WNT2B: variants seen among roughly 807,000 people sequenced by gnomAD.
WNT2B encodes Wnt family member 2B.
Under a neutral mutation model 40.5 loss-of-function variants are expected in WNT2B, and 19 were observed. The observed-to-expected ratio is 0.47, with a 90% CI of 0.33 to 0.69. WNT2B has a LOEUF of 0.69. WNT2B is among the 30% of genes least tolerant of loss of function. The pLI, the probability that WNT2B is intolerant of heterozygous loss-of-function variation, is 0.02. For synonymous variants in WNT2B, 220 were observed against 211.9 expected (o/e 1.04, Z -0.33); for missense variants, 467 against 556.4 (o/e 0.84, Z 1.62).
At chr1:112,498,291 T>C (rs904040682) in intron 1 of WNT2B, among the ~76,000 whole-genome samples, 3 of 152,116 alleles carry the variant, frequency 2.0e-5, no homozygotes, top group Admixed American at 2.0e-4. Flanking sequence ...TCTCACTCTG[T>C]TGCCCAGGCT....
Position 112,470,612 on chromosome 1 carries a change from A to T in WNT2B, c.-95+3021A>T, listed in dbSNP as rs138898130. On this transcript the variant is annotated intron_variant, in intron 1 of 4. Transcript: ENST00000256640. ...TAAATAAATAAATAAATAATAAATC[A>T]TGCTGCTATGGTGTACAAATGGGGG... is the stretch of plus-strand genomic sequence containing the variant. Among the ~76,000 whole-genome samples the T allele has an allele frequency of 2.8e-3, 425 of 152,124 alleles. 6 individuals carry two copies. The highest frequency in any genetic ancestry group is 0.022 in the South Asian group (106 of 4,824).
chr1:112,490,933 A>G, intron 1 of WNT2B: 1 of 1,425,930 alleles, frequency 7.0e-7, no homozygotes, highest in African/African-American at 1.4e-5. Context: ...AAATAAATCT[A>G]CAAATCACTC....
chr1:112,477,646 T>C (rs1332437516), intron 1 of WNT2B, among the ~76,000 whole-genome samples: 2 of 152,068 alleles, frequency 1.3e-5, no homozygotes, highest in East Asian at 3.8e-4. Flanking sequence ...AGAAAAGCAA[T>C]ACAAGAACAG....
intron 1 of WNT2B, among the ~76,000 whole-genome samples, chr1:112,496,825 C>G (rs573668190): frequency 6.6e-6 from 1 of 152,250 alleles, no homozygotes; most frequent in African/African-American, 2.4e-5. Flanking sequence ...GTCTCGAACT[C>G]ACGACCTCCG....
intron 1 of WNT2B, among the ~76,000 whole-genome samples, chr1:112,489,058 A>C (rs1357570730): frequency 6.6e-6 from 1 of 152,150 alleles, no homozygotes; most frequent in Non-Finnish European, 1.5e-5. Context: ...CTTAAAGGTC[A>C]GGTATGAAGA....
At chr1:112,507,913 G>A (rs1472782565), upstream of WNT2B, among the ~76,000 whole-genome samples, 1 of 152,158 alleles carries the variant, frequency 6.6e-6, no homozygotes, top group African/African-American at 2.4e-5. Flanking sequence ...GTGCCCGCAG[G>A]GCCCGTACCT....
intron 1 of WNT2B, among the ~76,000 whole-genome samples, chr1:112,490,775 C>G (rs1301441918): frequency 6.6e-6 from 1 of 152,088 alleles, no homozygotes; most frequent in African/African-American, 2.4e-5. Context: ...AGGCGTGAGC[C>G]CCCGCGCCCG....
chr1:112,526,303 T>G lies in WNT2B; in HGVS notation c.*5794T>G, dbSNP rs1653376382. ...TGACCACTATACAACATATTCCACATTTAAACAACTCTGGCTCCTAATTCT... is the reference window on the plus strand; with the variant it reads ...TGACCACTATACAACATATTCCACAGTTAAACAACTCTGGCTCCTAATTCT... On this transcript the variant is annotated 3_prime_UTR_variant, in exon 5 of 5. Transcript: ENST00000369684. The G allele has an allele frequency of 3.5e-6, 2 of 567,034 alleles. No homozygotes were observed. The highest frequency in any genetic ancestry group is 5.8e-6 in the Non-Finnish European group (2 of 342,926). 35.1% of individuals were successfully genotyped at this position (567,034 alleles called of 1,614,324 possible). A position where few individuals can be genotyped will look rare whatever the true frequency, so the allele number is the denominator to read the frequency against.
chr1:112,485,460 CA>C (rs55872721), intron 1 of WNT2B, among the ~76,000 whole-genome samples: 83,271 of 128,872 alleles, frequency 0.65, 24,988 homozygotes, highest in South Asian at 0.74. Context: ...GACTCTGTCT[CA>C]AAAAAAAAAA....
chr1:112,500,304 G>A (rs192026255), intron 1 of WNT2B, among the ~76,000 whole-genome samples: 17 of 152,152 alleles, frequency 1.1e-4, no homozygotes, highest in Admixed American at 7.9e-4. Flanking sequence ...TAAAGATAGA[G>A]TATTTGCAAA....
chr1:112,499,878 C>T (rs1457043012), intron 1 of WNT2B, among the ~76,000 whole-genome samples: 5 of 148,384 alleles, frequency 3.4e-5, no homozygotes, highest in Non-Finnish European at 7.5e-5. Flanking sequence ...GGAGAAATGA[C>T]AGGAGTAACT....
rs1652600856 is a variant in WNT2B, at chr1:112,517,247, G to A, written c.808G>A (p.Asp270Asn). ...AGGTGATTACCTGCGGCGACGCTAT[G>A]ATGGGGCTGTGCAGGTGATGGCCAC... Reference protein sequence around the residue: ...RTGDYLRRRYDGAVQVMATQD... With the variant: ...RTGDYLRRRYNGAVQVMATQD... Residue 270 changes from aspartate (D) to asparagine (N), a missense_variant, in exon 4 of 5, where the codon GAT becomes AAT. Coordinates refer to ENST00000369684, the MANE Select transcript of WNT2B (RefSeq NM_024494.3). The A allele has an allele frequency of 1.2e-6, 2 of 1,614,106 alleles. No individual in the cohort carries two copies. The highest frequency in any genetic ancestry group is 1.7e-6 in the Non-Finnish European group (2 of 1,180,050).
intron 1 of WNT2B, among the ~76,000 whole-genome samples, chr1:112,485,520 G>T (rs1162188776): frequency 6.7e-6 from 1 of 150,066 alleles, no homozygotes; most frequent in Non-Finnish European, 1.5e-5. Flanking sequence ...TAGAAATAAA[G>T]AACTATATCA....
At chr1:112,488,405 A>G (rs1036720644) in intron 1 of WNT2B, among the ~76,000 whole-genome samples, 4 of 148,068 alleles carry the variant, frequency 2.7e-5, no homozygotes, top group Non-Finnish European at 6.0e-5. Context: ...CATGACAGGC[A>G]GTCAAAACCT....
At chr1:112,472,461 G>A (rs772248835) in intron 1 of WNT2B, among the ~76,000 whole-genome samples, 3 of 151,560 alleles carry the variant, frequency 2.0e-5, no homozygotes, top group African/African-American at 4.9e-5. Context: ...CTCATAATTT[G>A]CAGCACATTC....
rs1653257262 is a variant in WNT2B, at chr1:112,525,506, T to A, written c.*4997T>A. The A allele has an allele frequency of 1.3e-5, 2 of 153,632 alleles. No homozygotes were observed. The highest frequency in any genetic ancestry group is 4.8e-5 in the African/African-American group (2 of 41,356). 9.5% of individuals were successfully genotyped at this position (153,632 alleles called of 1,614,324 possible). ...CACTTCCCACTCATGGCTTATATTA[T>A]CTCTGAGCATCTCGGTGGCTATTCC... On this transcript the variant is annotated 3_prime_UTR_variant, in exon 5 of 5. Transcript: ENST00000369684.
chr1:112,507,827 A>G (rs571995479), upstream of WNT2B, among the ~76,000 whole-genome samples: 7 of 152,358 alleles, frequency 4.6e-5, no homozygotes, highest in African/African-American at 1.7e-4. Flanking sequence ...CTGGAGCCAG[A>G]TCCCAGGTGA....
At chr1:112,494,225 G>T (rs952132205) in intron 1 of WNT2B, among the ~76,000 whole-genome samples, 1 of 151,252 alleles carries the variant, frequency 6.6e-6, no homozygotes, top group African/African-American at 2.5e-5. Context: ...CGGGAGAATC[G>T]TTTGAACCCG....
intron 1 of WNT2B, among the ~76,000 whole-genome samples, chr1:112,488,321 AACAC>A (rs572294006): frequency 7.3e-4 from 109 of 149,460 alleles, no homozygotes; most frequent in Non-Finnish European, 1.3e-3. Flanking sequence ...ACAACAACAA[AACAC>A]ACACACACAC....
Sources: allele counts gnomAD v4.1 joint callset (sites outside exome capture counted in the v4.1 genomes callset), GRCh38; gene constraint gnomAD v4.1.1; transcripts MANE v1.5; gene names NCBI Gene and HGNC (gene_info 2026-07-23, HGNC 2026-07-21).